GALK2: variants seen among roughly 807,000 people sequenced by gnomAD.
GALK2 encodes the protein galactokinase 2.
In GALK2, 36 loss-of-function variants were observed where a neutral mutation model predicts 52.4. That is an observed-to-expected ratio of 0.69 (90% CI 0.53 to 0.91). The LOEUF is 0.91. GALK2 is among the 40% of genes least tolerant of loss of function. The pLI is 0.00. For missense variants in GALK2, 579 were observed against 559.1 expected, an observed-to-expected ratio of 1.04 and a Z score of -0.36; for synonymous variants, 176 against 199.1, an observed-to-expected ratio of 0.88 and a Z score of 0.98.
At chr15:49,278,556 G>C (rs748241803) in intron 5 of GALK2, among the ~76,000 whole-genome samples, 6 of 152,164 alleles carry the variant, frequency 3.9e-5, no homozygotes, top group Non-Finnish European at 7.3e-5. Context: ...TTTATTTGAA[G>C]TTTTAAACTT....
intron 5 of GALK2, among the ~76,000 whole-genome samples, chr15:49,254,889 G>C (rs1280259020): frequency 6.9e-6 from 1 of 144,126 alleles, no homozygotes; most frequent in Non-Finnish European, 1.6e-5. Flanking sequence ...TTTTAATTAT[G>C]AGAAAATTTC....
chr15:49,204,144 A>T (rs967927965), intron 2 of GALK2, among the ~76,000 whole-genome samples: 1 of 151,552 alleles, frequency 6.6e-6, no homozygotes. Flanking sequence ...CTGTAAATAC[A>T]TGGATTTAGC....
chr15:49,268,125 A>C (rs911058917), intron 5 of GALK2, among the ~76,000 whole-genome samples: 4 of 152,200 alleles, frequency 2.6e-5, no homozygotes, highest in Non-Finnish European at 5.9e-5. Context: ...TTATCAACAA[A>C]TAGTTTAGGT....
At chr15:49,354,573 C>A (rs2042783719) in intron 3 of GALK2, among the ~76,000 whole-genome samples, 1 of 152,242 alleles carries the variant, frequency 6.6e-6, no homozygotes, top group South Asian at 2.1e-4. Flanking sequence ...AGATTATATC[C>A]CGCACCTGGC....
At position 49,327,961 on chromosome 15, in the gene GALK2, G is replaced by A. The variant is rs1261910420; in HGVS notation, c.1179G>A (p.Gly393=). The change falls in exon 10 of 10, where the codon GGG becomes GGA. Residue 393 remains glycine (G), a synonymous_variant. Transcript: ENST00000560031. ...TTCCTCACTGTTTTAGGAAGTTTGG[G>A]GCTCAAGGGTCACGACTTACTGGAG... ...DQLVDICRKF[G]AQGSRLTGAG... 3.1e-6 allele frequency: 5 copies of A among 1,608,318 alleles called. No individual in the cohort carries two copies. Among genetic ancestry groups the A allele is most frequent in the Admixed American group, 1.7e-5 (1 of 59,508 alleles).
intron 5 of GALK2, among the ~76,000 whole-genome samples, chr15:49,258,686 A>G (rs1239855504): frequency 6.6e-6 from 1 of 151,906 alleles, no homozygotes; most frequent in Non-Finnish European, 1.5e-5. Flanking sequence ...ATTTAGTTGT[A>G]GTGAAAAAGC....
In GALK2 at chr15:49,282,004, C is replaced by A. The variant is rs1430268437; in HGVS notation, c.522C>A (p.Ile174=). 6.2e-7 allele frequency: 1 copy of A among 1,612,826 alleles called. No homozygotes were observed. Among genetic ancestry groups the A allele is most frequent in the Non-Finnish European group, 8.5e-7 (1 of 1,179,244 alleles). ...CTTTCCAGGTGGAACTTGCAGAAAT[C>A]TGTGCCAAGAGTGAGCGTTACATTG... ...RNLSKVELAE[I]CAKSERYIGT... The change falls in exon 6 of 10, where the codon ATC becomes ATA. Residue 174 remains isoleucine, a synonymous_variant. Transcript: ENST00000560031.
chr15:49,344,807 G>A (rs1163278247), intron 3 of GALK2, among the ~76,000 whole-genome samples: 1 of 152,152 alleles, frequency 6.6e-6, no homozygotes, highest in African/African-American at 2.4e-5. Flanking sequence ...TTCCTGAAAT[G>A]ACTGAAACTT....
At chr15:49,364,550 T>A (rs2044790174) in intron 3 of GALK2, among the ~76,000 whole-genome samples, 1 of 152,144 alleles carries the variant, frequency 6.6e-6, no homozygotes, top group Non-Finnish European at 1.5e-5. Context: ...CAGTCTGAAG[T>A]AATTTCAGTT....
chr15:49,163,377 T>C (rs1472874720), intron 1 of GALK2, among the ~76,000 whole-genome samples: 1 of 152,242 alleles, frequency 6.6e-6, no homozygotes, highest in Admixed American at 6.5e-5. Context: ...TTTATGCTTT[T>C]TGTGTTGTAT....
intron 5 of GALK2, among the ~76,000 whole-genome samples, chr15:49,265,999 A>G (rs764154216): frequency 7.2e-5 from 11 of 152,188 alleles, no homozygotes; most frequent in Non-Finnish European, 1.5e-4. Context: ...TAAGACTACC[A>G]CCACTTGGAC....
downstream of GALK2, among the ~76,000 whole-genome samples, chr15:49,332,894 G>C (rs2039051760): frequency 6.6e-6 from 1 of 152,088 alleles, no homozygotes; most frequent in Non-Finnish European, 1.5e-5. Flanking sequence ...TCTGTGACTG[G>C]TACATGCCCC....
At chr15:49,271,575 C>T (rs1384679696) in intron 5 of GALK2, among the ~76,000 whole-genome samples, 1 of 152,180 alleles carries the variant, frequency 6.6e-6, no homozygotes, top group Non-Finnish European at 1.5e-5. Context: ...TCTGGCTTTG[C>T]CACTTACTAG....
At chr15:49,187,851 C>A (rs748339782) in intron 1 of GALK2, among the ~76,000 whole-genome samples, 56 of 152,058 alleles carry the variant, frequency 3.7e-4, no homozygotes, top group Non-Finnish European at 5.9e-4. Context: ...CCTCTCTGGT[C>A]CAGCATGAGT....
intron 5 of GALK2, among the ~76,000 whole-genome samples, chr15:49,239,574 A>G (rs2090995615): frequency 6.6e-6 from 1 of 152,222 alleles, no homozygotes; most frequent in African/African-American, 2.4e-5. Context: ...TCTGTGAATA[A>G]CTGTATAAAA....
chr15:49,327,624 G>C (rs117926868), intron 9 of GALK2: 1 of 178,606 alleles, frequency 5.6e-6, no homozygotes, highest in South Asian at 1.9e-4. Flanking sequence ...CCTGATTTAC[G>C]TGTAAGCTTG....
At chr15:49,326,407 G>T (rs980012251) in intron 9 of GALK2, among the ~76,000 whole-genome samples, 1 of 151,648 alleles carries the variant, frequency 6.6e-6, no homozygotes, top group African/African-American at 2.4e-5. Context: ...TTACAGGTGT[G>T]CACCCGGCTA....
At chr15:49,340,305 A>G (rs955501443) in intron 3 of GALK2, among the ~76,000 whole-genome samples, 7 of 152,076 alleles carry the variant, frequency 4.6e-5, no homozygotes, top group Non-Finnish European at 2.9e-5. Context: ...AAAGCGCAGT[A>G]TCTGGGCTGG....
intron 3 of GALK2, among the ~76,000 whole-genome samples, chr15:49,234,775 T>C (rs903385782): frequency 6.6e-6 from 1 of 152,080 alleles, no homozygotes; most frequent in Non-Finnish European, 1.5e-5. Context: ...AGATACTTTT[T>C]TTTTTTTTTG....
Sources: gnomAD v4.1 joint callset for allele counts (sites outside exome capture counted in the v4.1 genomes callset) on GRCh38, gnomAD v4.1.1 for gene constraint, MANE v1.5 for transcripts, NCBI Gene and HGNC (gene_info 2026-07-23, HGNC 2026-07-21) for gene names.